The following TYW1 variants were observed in gnomAD, a reference collection of about 807,000 sequenced individuals.
TYW1 encodes tRNA-yW synthesizing protein 1 homolog.
Under a neutral mutation model 96.2 loss-of-function variants are expected in TYW1, and 46 were observed. That is an observed-to-expected ratio of 0.48 (90% CI 0.38 to 0.61). TYW1 has a LOEUF of 0.61. Among genes scored for constraint, TYW1 ranks in the 20% least tolerant of loss-of-function variants. The probability of loss-of-function intolerance (pLI) is 0.00; values close to 1 mark genes in which losing one functional copy is unlikely to be tolerated. For synonymous variants in TYW1, 274 were observed against 323.0 expected (o/e 0.85, Z 1.63); for missense variants, 684 against 909.6 (o/e 0.75, Z 3.19).
At position 67,238,598 on chromosome 7, in the gene TYW1, G is replaced by C. The variant is rs922134928; in HGVS notation, c.*69G>C. 8.8e-6 allele frequency: 14 copies of C among 1,586,232 alleles called. No homozygotes were observed. The highest frequency in any genetic ancestry group is 2.3e-5 in the East Asian group (1 of 44,038). ...CCTCAAAAGGTTCTTGAACACCACT[G>C]TGATTCTCCAAGGACGAATTACGTA... On this transcript the variant is annotated 3_prime_UTR_variant, in exon 16 of 16. Transcript: ENST00000359626.
intron 15 of TYW1, among the ~76,000 whole-genome samples, chr7:67,204,487 C>T (rs1365550718): frequency 2.0e-5 from 3 of 150,614 alleles, no homozygotes; most frequent in African/African-American, 4.9e-5. Flanking sequence ...TTCCTTCCTC[C>T]CTCCCTTCCT....
At chr7:67,200,128 A>G (rs1266745077) in intron 15 of TYW1, among the ~76,000 whole-genome samples, 1 of 152,172 alleles carries the variant, frequency 6.6e-6, no homozygotes. Flanking sequence ...GCAAAACCAG[A>G]CATGGCACCA....
intron 7 of TYW1, among the ~76,000 whole-genome samples, chr7:67,026,457 C>T (rs1258043452): frequency 2.6e-5 from 4 of 152,086 alleles, no homozygotes; most frequent in Non-Finnish European, 4.4e-5. Context: ...AAAGTGGACT[C>T]GAACAAATGG....
At chr7:67,016,340 G>A (rs7809602) in intron 5 of TYW1, among the ~76,000 whole-genome samples, 37,030 of 150,876 alleles carry the variant, frequency 0.25, 5,003 homozygotes, top group African/African-American at 0.34. Flanking sequence ...CTGAGGTCGG[G>A]AGTTCGACCC....
chr7:67,027,090 C>T (rs1794475085), intron 7 of TYW1, among the ~76,000 whole-genome samples: 1 of 151,690 alleles, frequency 6.6e-6, no homozygotes, highest in Non-Finnish European at 1.5e-5. Flanking sequence ...GTCACAACTG[C>T]TTGGGAGGCT....
intron 15 of TYW1, among the ~76,000 whole-genome samples, chr7:67,227,488 C>T (rs1444113318): frequency 1.3e-5 from 2 of 152,104 alleles, no homozygotes; most frequent in Admixed American, 6.6e-5. Context: ...AACTCCTGAC[C>T]TCAGGTGATC....
chr7:67,204,739 G>A (rs749930491), intron 15 of TYW1, among the ~76,000 whole-genome samples: 14 of 151,836 alleles, frequency 9.2e-5, no homozygotes, highest in South Asian at 2.1e-4. Context: ...GATTACAGGC[G>A]TGTACCACCA....
chr7:67,148,305 T>A (rs991618130), intron 13 of TYW1, among the ~76,000 whole-genome samples: 20 of 151,860 alleles, frequency 1.3e-4, no homozygotes, highest in African/African-American at 4.8e-4. Flanking sequence ...TATTGTGATA[T>A]GTGTGTAAAT....
At position 67,017,899 on chromosome 7, in the gene TYW1, G is replaced by T. The variant is rs148741933; in HGVS notation, c.617G>T (p.Arg206Leu). 23 of 1,613,996 alleles carry T rather than the reference G, an allele frequency of 1.4e-5. 1 individual carries two copies. The South Asian group carries it at 1.9e-4, about 13-fold the overall frequency. The part of the protein sequence containing the change: ...DKWLWMLGAH[R>L]VMSRGEGDCD... ...TGGCTCTGGATGCTTGGCGCGCATC[G>T]TGTGATGAGTCGAGGGGAGGGCGAC... Residue 206 changes from arginine to leucine, a missense_variant, in exon 6 of 16, where the codon CGT becomes CTT. Coordinates refer to ENST00000359626, the MANE Select transcript of TYW1 (RefSeq NM_018264.4).
intron 15 of TYW1, among the ~76,000 whole-genome samples, chr7:67,236,293 TG>T (rs764657360): frequency 3.3e-5 from 5 of 152,198 alleles, no homozygotes; most frequent in African/African-American, 7.2e-5. Context: ...TCAATTCTGC[TG>T]TCGGCACAGT....
At chr7:67,061,512 T>A (rs1795694974) in intron 9 of TYW1, among the ~76,000 whole-genome samples, 1 of 152,204 alleles carries the variant, frequency 6.6e-6, no homozygotes, top group Non-Finnish European at 1.5e-5. Flanking sequence ...TTTTAGATCT[T>A]ACGTACAATC....
chr7:67,003,781 G>T (rs1167746549), intron 3 of TYW1, among the ~76,000 whole-genome samples: 3 of 152,156 alleles, frequency 2.0e-5, no homozygotes, highest in Non-Finnish European at 4.4e-5. Context: ...GGTGGCTCAT[G>T]CCTGTAATCC....
rs2949110 is a variant in TYW1, at chr7:67,204,162, G to A, written c.1977+8825G>A. Among the ~76,000 whole-genome samples, 38 of 152,204 alleles carry A rather than the reference G, an allele frequency of 2.5e-4. 1 individual carries two copies. The South Asian group carries it at 7.7e-3, about 31-fold the overall frequency. On this transcript the variant is annotated intron_variant, in intron 15 of 15. Coordinates refer to ENST00000359626, the MANE Select transcript of TYW1 (RefSeq NM_018264.4). ...GGTATATGCCCTTTACAAATTGGGGGAATTTCTAGTTGTTCTCCAGATACT... is the reference window on the plus strand; with the variant it reads ...GGTATATGCCCTTTACAAATTGGGGAAATTTCTAGTTGTTCTCCAGATACT...
At position 67,236,711 on chromosome 7, in the gene TYW1, T is replaced by C. The variant is rs563056791; in HGVS notation, c.1978-1597T>C. Among the ~76,000 whole-genome samples the C allele has an allele frequency of 2.0e-5, 3 of 152,330 alleles. No homozygotes were observed. In the South Asian group the frequency reaches 6.2e-4, roughly 32 times the overall value. On this transcript the variant is annotated intron_variant, in intron 15 of 15. Coordinates refer to ENST00000359626, the MANE Select transcript of TYW1 (RefSeq NM_018264.4). ...CTAATTCATAGAGTAATTAAACTTT[T>C]CCACATATTCAGCATTTTCCCCCTA...
chr7:67,086,412 C>A (rs1289409605), intron 11 of TYW1, among the ~76,000 whole-genome samples: 2 of 152,038 alleles, frequency 1.3e-5, no homozygotes, highest in Non-Finnish European at 2.9e-5. Flanking sequence ...TCCAGAAAAA[C>A]AGAACCAGTG....
At chr7:67,226,881 G>A (rs947002946) in intron 15 of TYW1, among the ~76,000 whole-genome samples, 2 of 152,102 alleles carry the variant, frequency 1.3e-5, no homozygotes, top group African/African-American at 4.8e-5. Context: ...GTTGTGAGAA[G>A]GTCCGGTAGC....
intron 13 of TYW1, among the ~76,000 whole-genome samples, chr7:67,141,179 C>T (rs1045985302): frequency 6.6e-6 from 1 of 152,032 alleles, no homozygotes; most frequent in Non-Finnish European, 1.5e-5. Context: ...TCATTGGTCC[C>T]CAGAAACTAG....
At chr7:67,094,691 TCAA>T (rs935815728) in intron 11 of TYW1, among the ~76,000 whole-genome samples, 2 of 145,532 alleles carry the variant, frequency 1.4e-5, no homozygotes, top group African/African-American at 5.1e-5. Context: ...TGTGTGTGTG[TCAA>T]GCACAGCTGA....
At position 66,998,823 on chromosome 7, in the gene TYW1, AACTT is replaced by A. The variant is rs1793280536; in HGVS notation, c.145_148del (p.Leu49ArgfsTer12). Reference sequence around the variant, plus strand: ...GTAATTATTTGTCTTCAAGGGCAAGAACTTACAGGAAAAATCTGTTCCAAAAGCA... The same window carrying A: ...GTAATTATTTGTCTTCAAGGGCAAGAACAGGAAAAATCTGTTCCAAAAGCA... On this transcript the variant is annotated frameshift_variant, in exon 3 of 16. Transcript: ENST00000359626. LOFTEE classifies it high-confidence loss of function. The A allele has an allele frequency of 6.2e-7, 1 of 1,613,972 alleles. No individual in the cohort carries two copies. Among genetic ancestry groups the A allele is most frequent in the Non-Finnish European group, 8.5e-7 (1 of 1,180,018 alleles).
Sources: allele counts gnomAD v4.1 joint callset (sites outside exome capture counted in the v4.1 genomes callset), GRCh38; gene constraint gnomAD v4.1.1; transcripts MANE v1.5; gene names NCBI Gene and HGNC (gene_info 2026-07-23, HGNC 2026-07-21).